The following ADGRB3 variants were observed in gnomAD, a reference collection of about 807,000 sequenced individuals.
The protein encoded by ADGRB3 is brain-specific angiogenesis inhibitor 3.
A neutral mutation model predicts 193.4 loss-of-function variants in ADGRB3; 37 were observed. The ratio of observed to expected loss-of-function variants is 0.19; its 90% CI spans 0.15 to 0.25. The LOEUF (loss-of-function observed/expected upper bound fraction) is 0.25. ADGRB3 is among the 10% of genes least tolerant of loss of function. ADGRB3 has a pLI of 1.00. For missense variants in ADGRB3, 1,637 were observed against 1,852.9 expected (o/e 0.88, Z 2.14); for synonymous variants, 690 against 644.2 (o/e 1.07, Z -1.08).
intron 13 of ADGRB3, among the ~76,000 whole-genome samples, chr6:69,026,831 G>T (rs969938674): frequency 6.6e-6 from 1 of 152,044 alleles, no homozygotes; most frequent in Non-Finnish European, 1.5e-5. Flanking sequence ...TACAAATTTG[G>T]TATAAAATAT....
rs114585731 is a variant in ADGRB3, at chr6:69,253,892, G to T, written c.2814+14666G>T. On this transcript the variant is annotated intron_variant, in intron 20 of 31. Coordinates refer to ENST00000370598, the MANE Select transcript of ADGRB3 (RefSeq NM_001704.3). ...AATATTTCTGAGATCAAAAACTCAT[G>T]AGCCATTTTTTTCTTTAGGCATATA... Among the ~76,000 whole-genome samples, 492 of 152,102 alleles carry T rather than the reference G, an allele frequency of 3.2e-3. 1 individual carries two copies. The highest frequency in any genetic ancestry group is 0.011 in the African/African-American group (465 of 41,528).
intron 3 of ADGRB3, among the ~76,000 whole-genome samples, chr6:68,713,538 A>G (rs774833744): frequency 8.6e-5 from 13 of 151,768 alleles, no homozygotes; most frequent in Admixed American, 2.6e-4. Context: ...TTCTGAATCA[A>G]CTGGAACTTT....
intron 3 of ADGRB3, among the ~76,000 whole-genome samples, chr6:68,867,520 C>G (rs1186516339): frequency 6.6e-6 from 1 of 152,198 alleles, no homozygotes; most frequent in Non-Finnish European, 1.5e-5. Context: ...AGCCCCCACA[C>G]AGAGTCCCAC....
At chr6:69,162,064 A>G (rs1013739373) in intron 17 of ADGRB3, among the ~76,000 whole-genome samples, 5 of 152,230 alleles carry the variant, frequency 3.3e-5, no homozygotes, top group Non-Finnish European at 5.9e-5. Context: ...TGTGAATACC[A>G]GGAATCAGGA....
intron 25 of ADGRB3, 29 bp from the exon 26 acceptor site, chr6:69,339,304 A>G (rs1561992219): frequency 6.2e-7 from 1 of 1,608,850 alleles, no homozygotes; most frequent in Non-Finnish European, 8.5e-7. Flanking sequence ...ATGTATAGCT[A>G]CGTAATGTTA....
At chr6:69,187,917 G>A (rs1486870933) in intron 17 of ADGRB3, among the ~76,000 whole-genome samples, 3 of 152,150 alleles carry the variant, frequency 2.0e-5, no homozygotes, top group Non-Finnish European at 4.4e-5. Flanking sequence ...GAACCTGGAG[G>A]CTGTCAAGTC....
chr6:69,326,610 T>C (rs1323551371), intron 21 of ADGRB3, among the ~76,000 whole-genome samples: 1 of 152,082 alleles, frequency 6.6e-6, no homozygotes, highest in African/African-American at 2.4e-5. Flanking sequence ...AATAGTGGTG[T>C]GTGTGTTTCA....
intron 3 of ADGRB3, among the ~76,000 whole-genome samples, chr6:68,884,426 A>G (rs994778389): frequency 6.6e-6 from 1 of 152,206 alleles, no homozygotes; most frequent in Non-Finnish European, 1.5e-5. Flanking sequence ...TGAGAGTGAG[A>G]ACATGTCTCT....
intron 20 of ADGRB3, among the ~76,000 whole-genome samples, chr6:69,312,632 TA>T (rs991120432): frequency 6.6e-6 from 1 of 151,650 alleles, no homozygotes. Flanking sequence ...AGGACAGGAT[TA>T]AATGATAGCC....
chr6:69,049,256 A>T lies in ADGRB3; in HGVS notation c.2258-15A>T, dbSNP rs618372. 1,548,202 of 1,567,412 alleles carry T rather than the reference A, an allele frequency of 0.99. 765,396 individuals carry two copies. The highest frequency in any genetic ancestry group is 1 in the East Asian group (44,205 of 44,266). On this transcript the variant is annotated splice_polypyrimidine_tract_variant and intron_variant, in intron 14 of 31. Transcript: ENST00000370598. ...TCTTGCTGTTTGCTAATACTTCAAA[A>T]TTTATTCTTTCTAGAATTAGATGAA... is the stretch of plus-strand genomic sequence containing the variant.
In ADGRB3 at chr6:69,113,412, A is replaced by T. The variant is rs185257244; in HGVS notation, c.2480+37374A>T. On this transcript the variant is annotated intron_variant, in intron 17 of 31. Transcript: ENST00000370598. ...TGTGTGTATATATCATATATACTCC[A>T]CACAGAAATACTTTCTTTAATTTTT... Among the ~76,000 whole-genome samples the T allele has an allele frequency of 8.5e-5, 13 of 152,190 alleles. No homozygotes were observed. In the East Asian group the frequency reaches 1.9e-3, roughly 23 times the overall value.
intron 3 of ADGRB3, among the ~76,000 whole-genome samples, chr6:68,653,509 G>T (rs139332722): frequency 3.3e-5 from 5 of 152,150 alleles, no homozygotes; most frequent in African/African-American, 1.2e-4. Flanking sequence ...CTCTGAGGTA[G>T]CTGCATATAT....
chr6:68,673,936 G>A (rs1198840729), intron 3 of ADGRB3, among the ~76,000 whole-genome samples: 2 of 151,822 alleles, frequency 1.3e-5, no homozygotes, highest in East Asian at 1.9e-4. Flanking sequence ...AACAATTACT[G>A]GAAGAGTTGC....
At chr6:68,895,994 T>A (rs1299105350) in intron 3 of ADGRB3, among the ~76,000 whole-genome samples, 2 of 152,088 alleles carry the variant, frequency 1.3e-5, no homozygotes, top group African/African-American at 4.8e-5. Flanking sequence ...TGGGTTACAA[T>A]TTCACATGGG....
rs78286095 is a variant in ADGRB3, at chr6:68,954,437, A to G, written c.1196-1587A>G. Among the ~76,000 whole-genome samples the G allele has an allele frequency of 4.4e-3, 674 of 152,266 alleles. 8 individuals carry two copies. Among genetic ancestry groups the G allele is most frequent in the African/African-American group, 0.016 (653 of 41,542 alleles). On this transcript the variant is annotated intron_variant, in intron 6 of 31. Transcript: ENST00000370598. ...AGCTGAACAGTCTATATTACATTCC[A>G]GTCATCAGAAAACAGCCATCTAAGA...
At chr6:68,952,669 G>C (rs1169852461) in intron 6 of ADGRB3, among the ~76,000 whole-genome samples, 1 of 151,884 alleles carries the variant, frequency 6.6e-6, no homozygotes, top group Non-Finnish European at 1.5e-5. Flanking sequence ...TAAAAAGCTT[G>C]CAAAAAAAAG....
intron 22 of ADGRB3, 37 bp from the exon 23 acceptor site, chr6:69,330,469 C>T (rs1380842041): frequency 6.4e-7 from 1 of 1,551,136 alleles, no homozygotes; most frequent in African/African-American, 1.4e-5. Flanking sequence ...ATACTTGTCA[C>T]TAATTTTTGT....
chr6:69,186,343 A>T (rs2150353201), intron 17 of ADGRB3, among the ~76,000 whole-genome samples: 1 of 152,230 alleles, frequency 6.6e-6, no homozygotes, highest in Non-Finnish European at 1.5e-5. Flanking sequence ...TTTTTCATAG[A>T]AGCAACATTA....
At chr6:69,060,220 T>TCTCTCTC (rs1771697794) in intron 15 of ADGRB3, among the ~76,000 whole-genome samples, 77 of 129,542 alleles carry the variant, frequency 5.9e-4, no homozygotes, top group South Asian at 7.5e-4. Flanking sequence ...CTCTCTCTCT[T>TCTCTCTC]TCTCTCTCTC....
Sources: allele counts gnomAD v4.1 joint callset (sites outside exome capture counted in the v4.1 genomes callset), GRCh38; gene constraint gnomAD v4.1.1; transcripts MANE v1.5; gene names NCBI Gene and HGNC (gene_info 2026-07-23, HGNC 2026-07-21).